ARHGAP15: variants seen among roughly 807,000 people sequenced by gnomAD.
The protein encoded by ARHGAP15 is rho GTPase-activating protein 15.
Under a neutral mutation model 63.7 loss-of-function variants are expected in ARHGAP15, and 51 were observed. The ratio of observed to expected loss-of-function variants is 0.80; its 90% CI spans 0.64 to 1.01. The LOEUF (loss-of-function observed/expected upper bound fraction) is 1.01, where lower values mean the gene tolerates loss of function less well. ARHGAP15 is among the 50% of genes least tolerant of loss of function. The probability of loss-of-function intolerance (pLI) is 0.00; values close to 1 mark genes in which losing one functional copy is unlikely to be tolerated. For synonymous variants in ARHGAP15, 191 were observed against 193.8 expected (o/e 0.99, Z 0.12); for missense variants, 560 against 564.6 (o/e 0.99, Z 0.08).
In ARHGAP15 at chr2:143,459,436, AAAGT is replaced by A. The variant is rs574090031; in HGVS notation, c.703+22398_703+22401del. On this transcript the variant is annotated intron_variant, in intron 8 of 13. Transcript: ENST00000295095. The stretch of plus-strand genomic sequence containing the variant: ...AGCTCTATCATTTAAAAATAAAACT[AAAGT>A]AAGAAAGTGGCATATTAATAGTTTT... Among the ~76,000 whole-genome samples the A allele has an allele frequency of 8.2e-4, 125 of 152,264 alleles. 2 individuals carry two copies. In the South Asian group the frequency reaches 0.02, roughly 24 times the overall value.
Position 143,180,707 on chromosome 2 carries a change from T to C in ARHGAP15, c.166-21427T>C, listed in dbSNP as rs181145886. On this transcript the variant is annotated intron_variant, in intron 2 of 13. Coordinates refer to ENST00000295095, the MANE Select transcript of ARHGAP15 (RefSeq NM_018460.4). ...TTTTTTGAGACGGAGTCTCACTCTGTTGCCCAGGCTGGATGGAGTACAGTG... is the reference window on the plus strand; with the variant it reads ...TTTTTTGAGACGGAGTCTCACTCTGCTGCCCAGGCTGGATGGAGTACAGTG... 2.0e-5 allele frequency among the ~76,000 whole-genome samples: 3 copies of C among 152,330 alleles called. No homozygotes were observed. In the East Asian group the frequency reaches 5.8e-4, roughly 29 times the overall value.
intron 2 of ARHGAP15, among the ~76,000 whole-genome samples, chr2:143,167,282 C>A (rs1257782497): frequency 6.6e-6 from 1 of 152,038 alleles, no homozygotes; most frequent in African/African-American, 2.4e-5. Flanking sequence ...CTTATCTATT[C>A]TTTATTCTTA....
At chr2:143,688,101 T>C (rs1683431322) in intron 12 of ARHGAP15, among the ~76,000 whole-genome samples, 1 of 152,216 alleles carries the variant, frequency 6.6e-6, no homozygotes, top group South Asian at 2.1e-4. Context: ...TGTTTTATCC[T>C]AGCCTGCTTA....
intron 9 of ARHGAP15, among the ~76,000 whole-genome samples, chr2:143,489,346 A>G (rs187758693): frequency 1.3e-5 from 2 of 152,328 alleles, no homozygotes; most frequent in Admixed American, 1.3e-4. Context: ...AATTTTCACC[A>G]TAACTGACCA....
intron 10 of ARHGAP15, among the ~76,000 whole-genome samples, chr2:143,538,458 A>T (rs950950848): frequency 2.0e-5 from 3 of 152,188 alleles, no homozygotes; most frequent in Non-Finnish European, 4.4e-5. Context: ...GTCTTGTGCC[A>T]GTTTTCAAAG....
At chr2:143,425,710 A>G (rs16822524) in intron 6 of ARHGAP15, among the ~76,000 whole-genome samples, 37,291 of 151,850 alleles carry the variant, frequency 0.25, 5,394 homozygotes, top group East Asian at 0.63. Flanking sequence ...ATTCATGGAA[A>G]AAGAAGCATT....
intron 8 of ARHGAP15, among the ~76,000 whole-genome samples, chr2:143,479,649 C>T (rs1430072629): frequency 6.6e-6 from 1 of 151,874 alleles, no homozygotes; most frequent in Non-Finnish European, 1.5e-5. Context: ...CAAAGTTTTA[C>T]TGACACTATA....
intron 6 of ARHGAP15, among the ~76,000 whole-genome samples, chr2:143,360,690 T>C (rs1686009564): frequency 6.6e-6 from 1 of 152,160 alleles, no homozygotes; most frequent in Admixed American, 6.6e-5. Flanking sequence ...ACAGCATTTT[T>C]CTAATGATTT....
At chr2:143,456,154 G>A (rs760537539) in intron 8 of ARHGAP15, among the ~76,000 whole-genome samples, 2 of 152,074 alleles carry the variant, frequency 1.3e-5, no homozygotes, top group African/African-American at 2.4e-5. Context: ...CTCAAAGACT[G>A]GCAGTGAGGG....
At chr2:143,461,234 C>T (rs913573704) in intron 8 of ARHGAP15, among the ~76,000 whole-genome samples, 2 of 141,126 alleles carry the variant, frequency 1.4e-5, no homozygotes, top group East Asian at 2.2e-4. Flanking sequence ...AAGTTGCAGT[C>T]GCACCACTGC....
chr2:143,267,760 G>A (rs756264411), intron 6 of ARHGAP15, among the ~76,000 whole-genome samples: 4 of 152,042 alleles, frequency 2.6e-5, no homozygotes, highest in Admixed American at 1.3e-4. Context: ...AATGTTTTTG[G>A]CATGTTGGGA....
chr2:143,133,830 T>G (rs1273564320), intron 1 of ARHGAP15, among the ~76,000 whole-genome samples: 7 of 152,164 alleles, frequency 4.6e-5, no homozygotes, highest in Admixed American at 2.0e-4. Context: ...TACTTCACAG[T>G]TTATGTAAAA....
At chr2:143,158,616 G>C (rs1307638700) in intron 2 of ARHGAP15, among the ~76,000 whole-genome samples, 1 of 151,910 alleles carries the variant, frequency 6.6e-6, no homozygotes, top group African/African-American at 2.4e-5. Context: ...GGGCAGTTTC[G>C]AGAGGGGGAA....
At chr2:143,575,474 C>A (rs1696642312) in intron 11 of ARHGAP15, among the ~76,000 whole-genome samples, 1 of 152,100 alleles carries the variant, frequency 6.6e-6, no homozygotes, top group African/African-American at 2.4e-5. Context: ...TGTTTCTGCG[C>A]CTTCCTGCAT....
At chr2:143,669,907 G>A (rs577213841) in intron 12 of ARHGAP15, among the ~76,000 whole-genome samples, 2 of 152,286 alleles carry the variant, frequency 1.3e-5, no homozygotes, top group African/African-American at 4.8e-5. Flanking sequence ...AGGGCACCAA[G>A]TGGAAGTCCA....
intron 6 of ARHGAP15, among the ~76,000 whole-genome samples, chr2:143,372,500 AAG>A (rs1686606862): frequency 6.6e-6 from 1 of 152,140 alleles, no homozygotes; most frequent in South Asian, 2.1e-4. Context: ...AAGATAGAAA[AAG>A]AAATAAGATA....
At chr2:143,427,237 T>C (rs1689172624) in intron 6 of ARHGAP15, among the ~76,000 whole-genome samples, 1 of 152,176 alleles carries the variant, frequency 6.6e-6, no homozygotes, top group Non-Finnish European at 1.5e-5. Context: ...TCAGTACTTA[T>C]TAATAGGAGA....
chr2:143,389,982 G>A lies in ARHGAP15; in HGVS notation c.475-45619G>A, dbSNP rs116716072. On this transcript the variant is annotated intron_variant, in intron 6 of 13. Coordinates refer to ENST00000295095, the MANE Select transcript of ARHGAP15 (RefSeq NM_018460.4). ...TGAAATAATTTTCATTTAAAAACAG[G>A]GAGCTCAGATGAACCAGTCCTTTAT... is the stretch of plus-strand genomic sequence containing the variant. Among the ~76,000 whole-genome samples the A allele has an allele frequency of 5.5e-3, 831 of 150,340 alleles. 5 individuals carry two copies. The highest frequency in any genetic ancestry group is 8.1e-3 in the Non-Finnish European group (552 of 67,762).
intron 2 of ARHGAP15, among the ~76,000 whole-genome samples, chr2:143,188,361 A>G (rs1212410123): frequency 1.3e-5 from 2 of 151,874 alleles, no homozygotes; most frequent in African/African-American, 2.4e-5. Context: ...AATTTTACTT[A>G]TATTTTATCA....
Sources: allele counts gnomAD v4.1 joint callset (sites outside exome capture counted in the v4.1 genomes callset), GRCh38; gene constraint gnomAD v4.1.1; transcripts MANE v1.5; gene names NCBI Gene and HGNC (gene_info 2026-07-23, HGNC 2026-07-21).